The following CSMD3 variants were observed in gnomAD, a reference collection of about 807,000 sequenced individuals.
CSMD3 encodes the protein CUB and Sushi multiple domains 3, also known as CUB and sushi domain-containing protein 3.
CSMD3 carries 177 observed loss-of-function variants against 435.2 expected under a neutral mutation model. The ratio of observed to expected loss-of-function variants is 0.41; its 90% CI spans 0.36 to 0.46. CSMD3 has a LOEUF of 0.46. Among genes scored for constraint, CSMD3 ranks in the 20% least tolerant of loss-of-function variants. The pLI is 0.34. For synonymous variants in CSMD3, 1,656 were observed against 1,520.5 expected, an observed-to-expected ratio of 1.09 and a Z score of -2.07; for missense variants, 4,265 against 4,504.6, an observed-to-expected ratio of 0.95 and a Z score of 1.52.
chr8:112,783,804 G>A (rs1301081041), intron 13 of CSMD3, among the ~76,000 whole-genome samples: 1 of 150,264 alleles, frequency 6.7e-6, no homozygotes, highest in East Asian at 2.0e-4. Context: ...ACTTATATCA[G>A]ATAAAATAGA....
rs1310279550 is a variant in CSMD3 at position 112,254,311 on chromosome 8, G to A, written c.10052C>T (p.Ser3351Phe). ...SPHCIEPTQT[S>F]CENPGVPRHG... The stretch of plus-strand genomic sequence containing the variant: ...CCGAGGCACACCTGGGTTTTCACAA[G>A]AGGTTTGGGTAGGCTCTAAAATGAA... The change falls in exon 63 of 71, where the codon TCT becomes TTT. Residue 3351 changes from serine (S) to phenylalanine (F), a missense_variant. Around this residue, in one of 3 missense-constraint regions of CSMD3, gnomAD observed 3,255 missense variants for 3,380.2 expected, o/e 0.96. Coordinates refer to ENST00000297405, the MANE Select transcript of CSMD3 (RefSeq NM_198123.2). 1.1e-5 allele frequency: 17 copies of A among 1,611,904 alleles called. No individual in the cohort carries two copies. The highest frequency in any genetic ancestry group is 6.7e-5 in the East Asian group (3 of 44,802).
intron 1 of CSMD3, among the ~76,000 whole-genome samples, chr8:113,354,444 T>C (rs1430158543): frequency 6.6e-6 from 1 of 152,166 alleles, no homozygotes; most frequent in Non-Finnish European, 1.5e-5. Context: ...CATAAAATTA[T>C]TTTCCTGAAA....
At chr8:112,479,351 T>C (rs1168278833) in intron 31 of CSMD3, among the ~76,000 whole-genome samples, 1 of 152,086 alleles carries the variant, frequency 6.6e-6, no homozygotes, top group Non-Finnish European at 1.5e-5. Context: ...AAAGAAAAAA[T>C]GCATTTTCAG....
At chr8:113,212,633 C>T (rs1158547572) in intron 3 of CSMD3, among the ~76,000 whole-genome samples, 2 of 151,824 alleles carry the variant, frequency 1.3e-5, no homozygotes, top group Non-Finnish European at 2.9e-5. Flanking sequence ...CAAACTATCA[C>T]AAGGACAAAA....
intron 23 of CSMD3, among the ~76,000 whole-genome samples, chr8:112,583,448 T>C (rs1311174711): frequency 2.0e-5 from 3 of 151,798 alleles, no homozygotes; most frequent in Non-Finnish European, 4.4e-5. Flanking sequence ...TGTTTCAAAG[T>C]TTTTTTTAAT....
chr8:112,762,705 A>G (rs1313172274), intron 13 of CSMD3, among the ~76,000 whole-genome samples: 3 of 152,066 alleles, frequency 2.0e-5, no homozygotes, highest in Non-Finnish European at 2.9e-5. Context: ...AGGAAATTAC[A>G]TAATCAAAGT....
intron 61 of CSMD3, 95 bp from the exon 62 acceptor site, chr8:112,255,522 C>A: frequency 1.9e-6 from 2 of 1,069,100 alleles, no homozygotes; most frequent in Admixed American, 3.7e-5. Flanking sequence ...GAATATTGTA[C>A]TAAAGAGATA....
In CSMD3 at chr8:112,295,843, T is replaced by A. The variant is rs61754529; in HGVS notation, c.8604A>T (p.Pro2868=). ...QQDHNWSGQL[P]SCVPVSCGHP... is the part of the protein sequence containing the mutation. ...GCCATGCTTACTTACGCACACAGGA[T>A]GGGAGCTGACCAGACCAATTGTGAT... Residue 2868 remains proline, a synonymous_variant, in exon 54 of 71, where the codon CCA becomes CCT. Transcript: ENST00000297405. The A allele has an allele frequency of 6.1e-3, 9,893 of 1,613,884 alleles. 35 individuals carry two copies. Among genetic ancestry groups the A allele is most frequent in the Non-Finnish European group, 7.5e-3 (8,805 of 1,179,908 alleles).
chr8:112,423,366 G>A (rs1409588850), intron 32 of CSMD3, among the ~76,000 whole-genome samples: 1 of 152,142 alleles, frequency 6.6e-6, no homozygotes, highest in Non-Finnish European at 1.5e-5. Flanking sequence ...AGAGTCACCT[G>A]TAATTTCATT....
intron 1 of CSMD3, among the ~76,000 whole-genome samples, chr8:113,418,679 C>T (rs2129910738): frequency 6.6e-6 from 1 of 152,280 alleles, no homozygotes; most frequent in Middle Eastern, 3.4e-3. Flanking sequence ...CCTCCACATG[C>T]TGTCTGTACT....
At chr8:112,443,289 CA>C (rs1237045440) in intron 32 of CSMD3, among the ~76,000 whole-genome samples, 1 of 152,096 alleles carries the variant, frequency 6.6e-6, no homozygotes, top group Non-Finnish European at 1.5e-5. Flanking sequence ...CATACAGTAG[CA>C]AACGGTTATT....
intron 3 of CSMD3, among the ~76,000 whole-genome samples, chr8:113,251,772 G>T (rs915275259): frequency 3.9e-5 from 6 of 152,000 alleles, no homozygotes; most frequent in African/African-American, 1.2e-4. Flanking sequence ...ATTAAAAGGT[G>T]AAAATAACCT....
chr8:112,240,848 T>A (rs1389791376), intron 66 of CSMD3, among the ~76,000 whole-genome samples: 14 of 152,160 alleles, frequency 9.2e-5, no homozygotes, highest in Non-Finnish European at 2.1e-4. Context: ...CTGGTGGTTT[T>A]ATCAGGGGCT....
At chr8:112,284,619 TAC>T (rs1162371896) in intron 58 of CSMD3, among the ~76,000 whole-genome samples, 2 of 151,938 alleles carry the variant, frequency 1.3e-5, no homozygotes, top group Admixed American at 1.3e-4. Context: ...GCTTAAGCAA[TAC>T]TTTTCCTAGT....
intron 22 of CSMD3, among the ~76,000 whole-genome samples, chr8:112,626,897 C>A (rs770526805): frequency 1.9e-4 from 29 of 152,120 alleles, no homozygotes; most frequent in Non-Finnish European, 3.4e-4. Context: ...CCCAATCTAA[C>A]TTGCTTTGAA....
intron 11 of CSMD3, among the ~76,000 whole-genome samples, chr8:112,841,188 T>A (rs1247151572): frequency 6.6e-6 from 1 of 151,722 alleles, no homozygotes; most frequent in African/African-American, 2.4e-5. Context: ...CATTCCATAT[T>A]TGAATAAATC....
At chr8:112,377,290 G>C (rs1384703561) in intron 38 of CSMD3, among the ~76,000 whole-genome samples, 3 of 151,642 alleles carry the variant, frequency 2.0e-5, no homozygotes, top group Non-Finnish European at 2.9e-5. Context: ...AAGTTACCAA[G>C]ACTAAATTTT....
chr8:113,336,859 C>G (rs1358779413), intron 1 of CSMD3, among the ~76,000 whole-genome samples: 1 of 152,110 alleles, frequency 6.6e-6, no homozygotes, highest in Non-Finnish European at 1.5e-5. Flanking sequence ...GATGAGTATT[C>G]TAGCTCTTTC....
chr8:113,078,166 G>A (rs2089421398), intron 5 of CSMD3, among the ~76,000 whole-genome samples: 1 of 152,154 alleles, frequency 6.6e-6, no homozygotes, highest in Non-Finnish European at 1.5e-5. Context: ...ACTCAGGAAT[G>A]TCATTTATGC....
Sources: allele counts gnomAD v4.1 joint callset (sites outside exome capture counted in the v4.1 genomes callset), GRCh38; gene constraint gnomAD v4.1.1; regional missense constraint gnomAD v4.1.1; transcripts MANE v1.5; gene names NCBI Gene and HGNC (gene_info 2026-07-23, HGNC 2026-07-21).